UNC13A: variants seen among roughly 807,000 people sequenced by gnomAD.
UNC13A encodes the protein protein unc-13 homolog A.
In UNC13A, 61 loss-of-function variants were observed where a neutral mutation model predicts 219.7. The observed-to-expected ratio is 0.28, with a 90% CI of 0.23 to 0.34. UNC13A has a LOEUF of 0.34. Ranked by LOEUF, UNC13A falls within the 10% of genes least tolerant of loss-of-function variation. The probability of loss-of-function intolerance (pLI) is 1.00; values close to 1 mark genes in which losing one functional copy is unlikely to be tolerated. For missense variants in UNC13A, 1,476 were observed against 2,270.3 expected (o/e 0.65, Z 7.11); for synonymous variants, 920 against 884.6 (o/e 1.04, Z -0.71).
Position 17,624,833 on chromosome 19 carries a change from T to C in UNC13A, c.4193A>G (p.Gln1398Arg). The change falls in exon 35 of 44, where the codon CAG becomes CGG. Residue 1398 changes from glutamine to arginine, a missense_variant. Around this residue, in one of 14 missense-constraint regions of UNC13A, gnomAD observed 75 missense variants for 100.2 expected, o/e 0.75. Transcript: ENST00000519716. ...CGGGCCCCCTGCAGGTCTCACCGTC[T>C]GGTCAGTGAGGGGCGGCAGGACGAT... is the stretch of plus-strand genomic sequence containing the variant. ...KTIVLPPLTDQTMIGNLLRKH... is the reference protein window; with the variant it reads ...KTIVLPPLTDRTMIGNLLRKH... 1 of 1,613,210 alleles carries C rather than the reference T, an allele frequency of 6.2e-7. No individual in the cohort carries two copies. Among genetic ancestry groups the C allele is most frequent in the Non-Finnish European group, 8.5e-7 (1 of 1,179,412 alleles).
chr19:17,686,913 A>G (rs2080124194), intron 1 of UNC13A, among the ~76,000 whole-genome samples: 1 of 151,962 alleles, frequency 6.6e-6, no homozygotes, highest in South Asian at 2.1e-4. Context: ...CAGCACACGC[A>G]CGCTTCCTGT....
intron 36 of UNC13A, 85 bp from the exon 37 acceptor site, chr19:17,621,955 A>G: frequency 7.2e-7 from 1 of 1,394,390 alleles, no homozygotes; most frequent in Non-Finnish European, 1.0e-6. Flanking sequence ...ATTCATGGGG[A>G]TGGGGGAATC....
intron 3 of UNC13A, among the ~76,000 whole-genome samples, chr19:17,673,502 G>A (rs2079834056): frequency 6.6e-6 from 1 of 151,350 alleles, no homozygotes; most frequent in African/African-American, 2.4e-5. Context: ...AGACCAGCCT[G>A]GCCAACATGG....
At chr19:17,686,878 A>C (rs942519406) in intron 1 of UNC13A, among the ~76,000 whole-genome samples, 1 of 151,806 alleles carries the variant, frequency 6.6e-6, no homozygotes, top group Admixed American at 6.6e-5. Context: ...CGGCCTGCCC[A>C]CCCTGTGTCC....
intron 11 of UNC13A, among the ~76,000 whole-genome samples, chr19:17,654,173 G>A (rs1375144038): frequency 1.3e-5 from 2 of 152,130 alleles, no homozygotes; most frequent in South Asian, 2.1e-4. Flanking sequence ...TTTCCTGATT[G>A]CCTTGGATTA....
intron 1 of UNC13A, among the ~76,000 whole-genome samples, chr19:17,680,889 CT>C (rs375785182): frequency 0.019 from 911 of 48,606 alleles, 2 homozygotes; most frequent in Non-Finnish European, 0.024. Flanking sequence ...CTTTTCTTTT[CT>C]TTTTTTTTTT....
At chr19:17,679,526 A>T (rs2079966979) in intron 1 of UNC13A, among the ~76,000 whole-genome samples, 1 of 148,562 alleles carries the variant, frequency 6.7e-6, no homozygotes, top group Non-Finnish European at 1.5e-5. Context: ...GTAGGGATGC[A>T]TATGGGGGTG....
At chr19:17,666,836 ATACAGG>A in intron 6 of UNC13A, 132 bp from the exon 7 acceptor site, 1 of 478,864 alleles carries the variant, frequency 2.1e-6, no homozygotes, top group Non-Finnish European at 3.5e-6. Context: ...TATGAGAAGG[ATACAGG>A]GAGTAAGAGA....
chr19:17,627,639 T>A lies in UNC13A; in HGVS notation c.3832-42A>T. ...GACACCAGGCCAGGTTCAGTAAGTA[T>A]CCACATGTACTGGGCATTTTCTCAT... is the stretch of plus-strand genomic sequence containing the variant. On this transcript the variant is annotated intron_variant, in intron 32 of 43. Transcript: ENST00000519716. The surrounding 1 kb of genome is among the most constrained non-coding windows in gnomAD (Gnocchi z 4.7). 1 of 1,500,160 alleles carries A rather than the reference T, an allele frequency of 6.7e-7. No individual in the cohort carries two copies. The highest frequency in any genetic ancestry group is 9.1e-7 in the Non-Finnish European group (1 of 1,098,142). The allele number at this position is 1,500,160 out of a possible 1,614,324, so 92.9% of individuals were successfully genotyped here. A position where few individuals can be genotyped will look rare whatever the true frequency, so the allele number is the denominator to read the frequency against.
intron 25 of UNC13A, 66 bp downstream of exon 25, chr19:17,639,017 G>T: frequency 6.7e-7 from 1 of 1,497,684 alleles, no homozygotes; most frequent in South Asian, 1.4e-5. Context: ...GGAAGGGGCA[G>T]GGCTGGGACT....
chr19:17,609,790 G>T (rs1599823503), intron 43 of UNC13A, 150 bp downstream of exon 43: 1 of 1,107,620 alleles, frequency 9.0e-7, no homozygotes, highest in East Asian at 2.5e-5. Flanking sequence ...ACTACTAAGG[G>T]GTCTCCCTTT....
chr19:17,671,599 T>C (rs531995161), intron 4 of UNC13A, among the ~76,000 whole-genome samples: 10 of 151,918 alleles, frequency 6.6e-5, no homozygotes, highest in African/African-American at 2.2e-4. Flanking sequence ...GGCAAAACCC[T>C]GTCTCTATTA....
At chr19:17,643,865 G>A (rs903343360) in intron 19 of UNC13A, among the ~76,000 whole-genome samples, 7 of 151,610 alleles carry the variant, frequency 4.6e-5, no homozygotes, top group Admixed American at 6.6e-5. Flanking sequence ...CATGCTCCCC[G>A]GAGACTACAC....
chr19:17,645,507 T>C (rs559053062), intron 19 of UNC13A, among the ~76,000 whole-genome samples, 167 bp downstream of exon 19: 23 of 152,142 alleles, frequency 1.5e-4, no homozygotes, highest in Middle Eastern at 3.4e-3. Context: ...GCCTGGGTGC[T>C]TCCTGCTCCC....
intron 28 of UNC13A, among the ~76,000 whole-genome samples, chr19:17,632,329 G>A (rs1037858963): frequency 6.6e-6 from 1 of 152,148 alleles, no homozygotes; most frequent in Non-Finnish European, 1.5e-5. Context: ...ACAGGCACAA[G>A]CCACTGTGCC....
intron 8 of UNC13A, among the ~76,000 whole-genome samples, chr19:17,663,003 G>A (rs1419316927): frequency 1.3e-5 from 2 of 151,920 alleles, no homozygotes; most frequent in African/African-American, 4.8e-5. Context: ...GAGAGCAAAT[G>A]AAGGTGGAAG....
chr19:17,657,106 G>A (rs75993558), intron 9 of UNC13A, among the ~76,000 whole-genome samples: 1,751 of 152,152 alleles, frequency 0.012, 31 homozygotes, highest in African/African-American at 0.04. Flanking sequence ...GGAAGCCACA[G>A]GGAATTGTAA....
chr19:17,623,578 G>A, intron 35 of UNC13A, 31 bp from the exon 36 acceptor site: 1 of 1,192,184 alleles, frequency 8.4e-7, no homozygotes, highest in Non-Finnish European at 1.1e-6. Flanking sequence ...GGGGCGGTGG[G>A]GGAGGGGGGA....
chr19:17,678,842 A>G (rs2145923017), intron 1 of UNC13A, among the ~76,000 whole-genome samples: 1 of 152,218 alleles, frequency 6.6e-6, no homozygotes, highest in South Asian at 2.1e-4. Context: ...AGGCTGAGAA[A>G]GGCACCCACA....
Sources: allele counts gnomAD v4.1 joint callset (sites outside exome capture counted in the v4.1 genomes callset), GRCh38; gene constraint gnomAD v4.1.1; regional missense constraint gnomAD v4.1.1; non-coding constraint Gnocchi (gnomAD v3.1); transcripts MANE v1.5; gene names NCBI Gene and HGNC (gene_info 2026-07-23, HGNC 2026-07-21).